The following TMTC2 variants were observed in gnomAD, a reference collection of about 807,000 sequenced individuals.
The protein encoded by TMTC2 is protein O-mannosyl-transferase TMTC2.
A neutral mutation model predicts 82.4 loss-of-function variants in TMTC2; 43 were observed. The observed-to-expected ratio is 0.52, with a 90% CI of 0.41 to 0.67. TMTC2 has a LOEUF of 0.67. Among genes scored for constraint, TMTC2 ranks in the 30% least tolerant of loss-of-function variants. TMTC2 has a pLI of 0.00. For synonymous variants in TMTC2, 408 were observed against 381.9 expected, an observed-to-expected ratio of 1.07 and a Z score of -0.80; for missense variants, 919 against 1,012.4, an observed-to-expected ratio of 0.91 and a Z score of 1.25.
chr12:82,825,532 T>C (rs935328503), intron 1 of TMTC2, among the ~76,000 whole-genome samples: 2 of 152,216 alleles, frequency 1.3e-5, no homozygotes, highest in Non-Finnish European at 2.9e-5. Context: ...GCTTTTCACG[T>C]ATTTTATAGG....
chr12:82,954,246 T>C (rs1877497492), intron 4 of TMTC2, among the ~76,000 whole-genome samples: 1 of 152,180 alleles, frequency 6.6e-6, no homozygotes, highest in Non-Finnish European at 1.5e-5. Flanking sequence ...TCTGGAATGC[T>C]CTTGTCGGCA....
chr12:83,001,222 C>A (rs1387943826), intron 8 of TMTC2, among the ~76,000 whole-genome samples: 1 of 152,138 alleles, frequency 6.6e-6, no homozygotes, highest in African/African-American at 2.4e-5. Flanking sequence ...ATAGGATTTT[C>A]TTTTCTATTG....
chr12:83,108,367 T>G (rs993354567), intron 11 of TMTC2, among the ~76,000 whole-genome samples: 2 of 152,060 alleles, frequency 1.3e-5, no homozygotes, highest in Non-Finnish European at 2.9e-5. Flanking sequence ...CAGGGAAAAT[T>G]GACATTATAA....
chr12:82,789,814 C>G (rs1770589821), intron 1 of TMTC2, among the ~76,000 whole-genome samples: 1 of 152,106 alleles, frequency 6.6e-6, no homozygotes, highest in African/African-American at 2.4e-5. Context: ...AGTTTGCTTT[C>G]TGTGTTCTAT....
intron 11 of TMTC2, among the ~76,000 whole-genome samples, chr12:83,094,961 G>A (rs568011430): frequency 1.1e-4 from 17 of 152,244 alleles, no homozygotes; most frequent in Non-Finnish European, 2.1e-4. Context: ...TAAAGTCACC[G>A]GATAGAACTC....
At chr12:82,748,894 A>C (rs1019502722) in intron 1 of TMTC2, among the ~76,000 whole-genome samples, 1 of 152,208 alleles carries the variant, frequency 6.6e-6, no homozygotes, top group Non-Finnish European at 1.5e-5. Flanking sequence ...AATCACACAC[A>C]TACACACACA....
At chr12:82,690,260 A>G (rs572645613) in intron 1 of TMTC2, 21 of 432,436 alleles carry the variant, frequency 4.9e-5, no homozygotes, top group African/African-American at 3.4e-4. Context: ...GCAAAGATTC[A>G]TGTTTAAAAC....
intron 7 of TMTC2, among the ~76,000 whole-genome samples, chr12:82,979,727 A>G (rs1030541662): frequency 6.6e-6 from 1 of 151,806 alleles, no homozygotes; most frequent in African/African-American, 2.4e-5. Context: ...TTGCTTATAA[A>G]GGTCATTTTC....
At chr12:83,069,593 G>A (rs759264150) in intron 11 of TMTC2, among the ~76,000 whole-genome samples, 10 of 152,086 alleles carry the variant, frequency 6.6e-5, no homozygotes, top group Non-Finnish European at 1.2e-4. Context: ...CTGGATATTA[G>A]TCCCTGGCGA....
intron 1 of TMTC2, among the ~76,000 whole-genome samples, chr12:82,744,072 A>G (rs1875554734): frequency 6.6e-6 from 1 of 152,100 alleles, no homozygotes; most frequent in African/African-American, 2.4e-5. Flanking sequence ...CAGGAGTTTA[A>G]GACTGGCCTG....
intron 9 of TMTC2, among the ~76,000 whole-genome samples, chr12:83,048,762 G>A (rs1490714104): frequency 6.6e-6 from 1 of 152,114 alleles, no homozygotes; most frequent in Non-Finnish European, 1.5e-5. Flanking sequence ...TCCGCCTCCC[G>A]GGTTCAAGCA....
rs58129444 is a variant in TMTC2 at position 83,055,705 on chromosome 12, G to GGTGTGT, written c.2267+4710_2267+4715dup. On this transcript the variant is annotated intron_variant, in intron 10 of 11. Transcript: ENST00000321196. ...AGCATTCATAGGCTCTAGTGGAAGG[G>GGTGTGT]GTGTGTGTGTGTGTGTGTGTGTGTG... 2.6e-3 allele frequency among the ~76,000 whole-genome samples: 390 copies of GGTGTGT among 147,970 alleles called. 1 individual carries two copies. The highest frequency in any genetic ancestry group is 8.8e-3 in the African/African-American group (357 of 40,464).
At chr12:82,766,942 G>A (rs1419956216) in intron 1 of TMTC2, among the ~76,000 whole-genome samples, 1 of 152,064 alleles carries the variant, frequency 6.6e-6, no homozygotes, top group Non-Finnish European at 1.5e-5. Context: ...GGGACTACAA[G>A]TGCACGCCAC....
At chr12:82,967,644 G>A (rs562511431) in intron 7 of TMTC2, among the ~76,000 whole-genome samples, 1 of 152,038 alleles carries the variant, frequency 6.6e-6, no homozygotes, top group Admixed American at 6.5e-5. Context: ...GGTTACCCCT[G>A]CAAACCACAT....
At chr12:82,904,301 A>G (rs185906083) in intron 3 of TMTC2, among the ~76,000 whole-genome samples, 104 of 152,322 alleles carry the variant, frequency 6.8e-4, no homozygotes, top group Admixed American at 1.2e-3. Flanking sequence ...TCAGTCTACC[A>G]TGTGCTTTAA....
chr12:82,832,140 C>T (rs1383124183), intron 1 of TMTC2, among the ~76,000 whole-genome samples: 2 of 152,080 alleles, frequency 1.3e-5, no homozygotes, highest in African/African-American at 4.8e-5. Flanking sequence ...GGTTAATAAC[C>T]ATTTCTTTTC....
chr12:82,719,059 T>TTATATATATATATATATATA (rs1271920285), intron 1 of TMTC2, among the ~76,000 whole-genome samples: 3 of 94,446 alleles, frequency 3.2e-5, no homozygotes, highest in African/African-American at 9.3e-5. Flanking sequence ...TTAGATGATT[T>TTATATATATATATATATATA]TATATATATA....
intron 1 of TMTC2, among the ~76,000 whole-genome samples, chr12:82,733,482 TGTGTAGG>T (rs1307703335): frequency 6.6e-6 from 1 of 152,202 alleles, no homozygotes; most frequent in Non-Finnish European, 1.5e-5. Flanking sequence ...CTTTTGTGCA[TGTGTAGG>T]GAGGGTGGGG....
rs2137004471 is a variant in TMTC2, at chr12:82,778,174, C to T, written c.84-78836C>T. On this transcript the variant is annotated intron_variant, in intron 1 of 11. Coordinates refer to ENST00000321196, the MANE Select transcript of TMTC2 (RefSeq NM_152588.3). ...TATTTTATGTACAATAGTCTCTCAC[C>T]TCTCCAACAATATCATATATAGCTT... Among the ~76,000 whole-genome samples the T allele has an allele frequency of 3.3e-5, 5 of 152,114 alleles. No homozygotes were observed. The Middle Eastern group carries it at 0.017, about 517-fold the overall frequency.
Sources: allele counts gnomAD v4.1 joint callset (sites outside exome capture counted in the v4.1 genomes callset), GRCh38; gene constraint gnomAD v4.1.1; transcripts MANE v1.5; gene names NCBI Gene and HGNC (gene_info 2026-07-23, HGNC 2026-07-21).